The following ZNF710 variants were observed in gnomAD, a reference collection of about 807,000 sequenced individuals.
The protein encoded by ZNF710 is zinc finger protein 710.
In ZNF710, 13 loss-of-function variants were observed where a neutral mutation model predicts 50.6. That is an observed-to-expected ratio of 0.26 (90% confidence interval 0.17 to 0.41). ZNF710 has a LOEUF of 0.41. Ranked by LOEUF, ZNF710 falls within the 10% of genes least tolerant of loss-of-function variation. The pLI is 1.00. For synonymous variants in ZNF710, 383 were observed against 397.0 expected, an observed-to-expected ratio of 0.96 and a Z score of 0.42; for missense variants, 721 against 936.6, an observed-to-expected ratio of 0.77 and a Z score of 3.01.
chr15:90,023,205 C>G (rs752728405), intron 1 of ZNF710, among the ~76,000 whole-genome samples: 5 of 152,194 alleles, frequency 3.3e-5, no homozygotes, highest in Non-Finnish European at 7.3e-5. Context: ...CACACTCCAT[C>G]CATTGAACCA....
intron 1 of ZNF710, among the ~76,000 whole-genome samples, chr15:90,030,329 C>CAAAA (rs10685083): frequency 0.44 from 22,071 of 49,932 alleles, 5,026 homozygotes; most frequent in Non-Finnish European, 0.48. Context: ...AACTCCATCT[C>CAAAA]AAAAAAAAAA....
rs780769964 is a variant in ZNF710, at chr15:90,062,595, G to A, written c.-28-4515G>A. Among the ~76,000 whole-genome samples the A allele has an allele frequency of 1.3e-4, 20 of 152,184 alleles. No homozygotes were observed. The highest frequency in any genetic ancestry group is 6.5e-5 in the Admixed American group (1 of 15,284). Reference sequence around the variant, plus strand: ...CACACAGGTGACGCACACCTGGCAGGCTCTCTTCCTGCCCTGGATGGCCCT... The same window carrying A: ...CACACAGGTGACGCACACCTGGCAGACTCTCTTCCTGCCCTGGATGGCCCT... On this transcript the variant is annotated intron_variant, in intron 1 of 4. Transcript: ENST00000268154. This position sits in a 1 kb window ranked among gnomAD's most constrained non-coding sequence, Gnocchi z 5.6.
intron 1 of ZNF710, among the ~76,000 whole-genome samples, chr15:90,063,499 C>A (rs749701834): frequency 2.6e-5 from 4 of 152,142 alleles, no homozygotes; most frequent in African/African-American, 9.7e-5. Flanking sequence ...CCCTGCCCTG[C>A]CCCCACTTAG....
chr15:90,056,968 C>T (rs1172217206), intron 1 of ZNF710, among the ~76,000 whole-genome samples: 1 of 152,132 alleles, frequency 6.6e-6, no homozygotes, highest in African/African-American at 2.4e-5. Context: ...CATCCAGAAT[C>T]CCGGTGCCTT....
At chr15:90,065,978 C>T (rs1314745347) in intron 1 of ZNF710, among the ~76,000 whole-genome samples, 1 of 152,158 alleles carries the variant, frequency 6.6e-6, no homozygotes. Flanking sequence ...GCATTCAATT[C>T]GGATAGTGGC....
chr15:90,063,942 T>C (rs1258324877), intron 1 of ZNF710, among the ~76,000 whole-genome samples: 1 of 152,014 alleles, frequency 6.6e-6, no homozygotes, highest in South Asian at 2.1e-4. Context: ...TTCCCCCCCA[T>C]AGAGATGAGA....
At chr15:90,001,637 C>CGCCCCAGCCCCAGCCCCA (rs547516817) in intron 1 of ZNF710, 23 bp downstream of exon 1, 1 of 144,000 alleles carries the variant, frequency 6.9e-6, no homozygotes, top group Non-Finnish European at 1.5e-5. Flanking sequence ...CGCGGCCCCC[C>CGCCCCAGCCCCAGCCCCA]GCCCCAGCCC....
At chr15:90,005,693 C>G (rs959231550) in intron 1 of ZNF710, among the ~76,000 whole-genome samples, 1 of 152,180 alleles carries the variant, frequency 6.6e-6, no homozygotes, top group Admixed American at 6.5e-5. Context: ...CGTGATCTGC[C>G]CGCCTCGGCC....
chr15:90,074,220 T>C lies in ZNF710; in HGVS notation c.1755T>C (p.Asn585=). The C allele has an allele frequency of 1.2e-6, 2 of 1,613,346 alleles. No individual in the cohort carries two copies. Among genetic ancestry groups the C allele is most frequent in the Non-Finnish European group, 1.7e-6 (2 of 1,179,770 alleles). ...FKCPYCSSKF[N]LKGNLSRHMK... The stretch of plus-strand genomic sequence containing the variant: ...GCCCCTACTGCTCCAGCAAGTTTAA[T>C]CTCAAGGGCAACCTGAGCCGGCACA... The change falls in exon 4 of 5, where the codon AAT becomes AAC. Residue 585 remains asparagine, a synonymous_variant. Coordinates refer to ENST00000268154, the MANE Select transcript of ZNF710 (RefSeq NM_198526.4).
At chr15:90,044,599 G>T (rs1226434569) in intron 1 of ZNF710, among the ~76,000 whole-genome samples, 3 of 152,218 alleles carry the variant, frequency 2.0e-5, no homozygotes. Context: ...ATGTCACCTG[G>T]GAGCTATAGA....
upstream of ZNF710, among the ~76,000 whole-genome samples, chr15:90,000,655 C>G (rs1351794425): frequency 6.6e-6 from 1 of 152,242 alleles, no homozygotes; most frequent in African/African-American, 2.4e-5. Flanking sequence ...CAGTGCTCTG[C>G]GGGGATGTTT....
intron 1 of ZNF710, among the ~76,000 whole-genome samples, chr15:90,012,074 G>A (rs150707431): frequency 0.014 from 2,196 of 152,064 alleles, 24 homozygotes; most frequent in Non-Finnish European, 0.023. Flanking sequence ...GTGTGGTGGC[G>A]TGTGCCTGTA....
intron 1 of ZNF710, among the ~76,000 whole-genome samples, chr15:90,009,672 C>T (rs1271579223): frequency 6.6e-6 from 1 of 152,120 alleles, no homozygotes; most frequent in Non-Finnish European, 1.5e-5. Flanking sequence ...TAATTCTCTA[C>T]CTACAGCTAC....
chr15:90,047,788 T>G (rs186132466), intron 1 of ZNF710, among the ~76,000 whole-genome samples: 1,753 of 152,106 alleles, frequency 0.012, 32 homozygotes, highest in African/African-American at 0.04. Flanking sequence ...CATTTCACCA[T>G]GTTGGCCAGG....
chr15:90,072,380 G>T (rs1308972217), intron 2 of ZNF710, among the ~76,000 whole-genome samples: 3 of 152,168 alleles, frequency 2.0e-5, no homozygotes, highest in African/African-American at 2.4e-5. Context: ...CGGCCTGCAA[G>T]GCTGTATGTT....
intron 1 of ZNF710, among the ~76,000 whole-genome samples, chr15:90,004,009 G>T (rs984532231): frequency 6.6e-6 from 1 of 152,138 alleles, no homozygotes; most frequent in African/African-American, 2.4e-5. Flanking sequence ...GTTGAAGTGG[G>T]ACGCGGGCTC....
At chr15:90,044,378 G>A (rs1347982235) in intron 1 of ZNF710, among the ~76,000 whole-genome samples, 1 of 152,236 alleles carries the variant, frequency 6.6e-6, no homozygotes, top group Non-Finnish European at 1.5e-5. Flanking sequence ...GCCATTCCCT[G>A]CCAAGGCGGG....
At chr15:90,036,021 A>G (rs563067567) in intron 1 of ZNF710, among the ~76,000 whole-genome samples, 42 of 152,116 alleles carry the variant, frequency 2.8e-4, no homozygotes, top group Admixed American at 7.9e-4. Context: ...CCTCTTTGGT[A>G]GAAGAGCTGC....
intron 2 of ZNF710, among the ~76,000 whole-genome samples, chr15:90,071,653 ATTTCT>A (rs1316721904): frequency 2.7e-5 from 4 of 149,800 alleles, no homozygotes; most frequent in East Asian, 2.0e-4. Flanking sequence ...CTTAAAAAAA[ATTTCT>A]TTTATTTATT....
Sources: allele counts gnomAD v4.1 joint callset (sites outside exome capture counted in the v4.1 genomes callset), GRCh38; gene constraint gnomAD v4.1.1; non-coding constraint Gnocchi (gnomAD v3.1); transcripts MANE v1.5; gene names NCBI Gene and HGNC (gene_info 2026-07-23, HGNC 2026-07-21).